The following RANBP9 variants were observed in gnomAD, a reference collection of about 807,000 sequenced individuals.
RANBP9 encodes the protein ran-binding protein 9.
A neutral mutation model predicts 84.3 loss-of-function variants in RANBP9; 15 were observed. That is an observed-to-expected ratio of 0.18 (90% CI 0.12 to 0.27). RANBP9 has a LOEUF of 0.27. RANBP9 is among the 10% of genes least tolerant of loss of function. The pLI is 1.00. For synonymous variants in RANBP9, 392 were observed against 349.6 expected (o/e 1.12, Z -1.35); for missense variants, 809 against 912.8 (o/e 0.89, Z 1.46).
chr6:13,622,546 A>C (rs1764480853), intron 13 of RANBP9, 54 bp from the exon 14 acceptor site: 1 of 1,489,212 alleles, frequency 6.7e-7, no homozygotes, highest in South Asian at 1.3e-5. Context: ...CATTTTAAAA[A>C]ACATTTCAAT....
At chr6:13,648,053 C>T (rs1301952007) in intron 5 of RANBP9, among the ~76,000 whole-genome samples, 1 of 151,880 alleles carries the variant, frequency 6.6e-6, no homozygotes, top group Non-Finnish European at 1.5e-5. Context: ...CCCTGGCAAC[C>T]ACTAATCTAC....
Position 13,621,536 on chromosome 6 carries a change from CACT to C in RANBP9, c.*823_*825del, listed in dbSNP as rs1199946311. On this transcript the variant is annotated 3_prime_UTR_variant, in exon 14 of 14. Transcript: ENST00000011619. ...ATTTTTAATGGCTGGTTAATTATATCACTACATTTTATTGCAATATAGTACTCA... is the reference window on the plus strand; with the variant it reads ...ATTTTTAATGGCTGGTTAATTATATCACATTTTATTGCAATATAGTACTCA... 6.6e-6 allele frequency: 1 copy of C among 152,540 alleles called. No homozygotes were observed. The highest frequency in any genetic ancestry group is 1.5e-5 in the Non-Finnish European group (1 of 68,020). The allele number at this position is 152,540 out of a possible 1,614,324, so 9.4% of individuals were successfully genotyped here.
chr6:13,641,074 A>G, intron 8 of RANBP9, 125 bp downstream of exon 8: 1 of 535,642 alleles, frequency 1.9e-6, no homozygotes, highest in South Asian at 3.9e-5. Flanking sequence ...TGACATTACA[A>G]AATTGTATAT....
chr6:13,662,996 G>C (rs1329231749), intron 2 of RANBP9, among the ~76,000 whole-genome samples: 3 of 152,096 alleles, frequency 2.0e-5, no homozygotes, highest in African/African-American at 2.4e-5. Context: ...CAAGGAAAAA[G>C]AGAATAGGAC....
intron 2 of RANBP9, among the ~76,000 whole-genome samples, chr6:13,677,701 T>TC (rs763936777): frequency 2.0e-5 from 3 of 152,210 alleles, no homozygotes; most frequent in Non-Finnish European, 4.4e-5. Flanking sequence ...CCCATTTTTT[T>TC]CTCATGTAAA....
At chr6:13,644,811 T>C (rs1000767946) in intron 5 of RANBP9, 82 bp from the exon 6 acceptor site, 17 of 1,135,424 alleles carry the variant, frequency 1.5e-5, no homozygotes, top group Admixed American at 1.2e-4. Flanking sequence ...TTTAAAAGAA[T>C]AGAACTATAA....
rs1460977843 is a variant in RANBP9, at chr6:13,666,463, A to G, written c.684-7631T>C. 2.0e-5 allele frequency among the ~76,000 whole-genome samples: 3 copies of G among 151,860 alleles called. No individual in the cohort carries two copies. In the East Asian group the frequency reaches 5.8e-4, roughly 29 times the overall value. ...AAGAACCCAATAAAAACAATTTTACACCAATTAAATTATTAAGGAATAGGC... is the reference window on the plus strand; with the variant it reads ...AAGAACCCAATAAAAACAATTTTACGCCAATTAAATTATTAAGGAATAGGC... On this transcript the variant is annotated intron_variant, in intron 2 of 13. Transcript: ENST00000011619.
chr6:13,642,412 TAA>T, intron 7 of RANBP9, 65 bp downstream of exon 7: 1 of 925,346 alleles, frequency 1.1e-6, no homozygotes. Flanking sequence ...ACAAAATTTC[TAA>T]AAATTAAAGT....
In RANBP9 at chr6:13,646,539, G is replaced by T. The variant is rs1232895264; in HGVS notation, c.928-1810C>A. On this transcript the variant is annotated intron_variant, in intron 5 of 13. Transcript: ENST00000011619. ...GAAAGACAATTCTGTTCATTAAGCA[G>T]TTTATAATGATGATATTCAGTATTG... Among the ~76,000 whole-genome samples the T allele has an allele frequency of 2.0e-5, 3 of 152,146 alleles. No homozygotes were observed. In the East Asian group the frequency reaches 5.8e-4, roughly 29 times the overall value.
intron 1 of RANBP9, among the ~76,000 whole-genome samples, chr6:13,697,855 C>G (rs1478722597): frequency 6.6e-6 from 1 of 152,188 alleles, no homozygotes; most frequent in African/African-American, 2.4e-5. Flanking sequence ...TTGGGGTGTT[C>G]TAGTTAAATA....
intron 2 of RANBP9, among the ~76,000 whole-genome samples, chr6:13,684,555 TA>T (rs1766122704): frequency 6.6e-6 from 1 of 152,206 alleles, no homozygotes; most frequent in Admixed American, 6.5e-5. Context: ...GGGTATATAG[TA>T]AAAAATTGTA....
Position 13,697,888 on chromosome 6 carries a change from G to T in RANBP9, c.572-992C>A, listed in dbSNP as rs533599622. ...ATATGCTCCACGCAATACAAACTTC[G>T]CATTAATCTTTCAGTCATACTATAA... On this transcript the variant is annotated intron_variant, in intron 1 of 13. Transcript: ENST00000011619. 3.3e-5 allele frequency among the ~76,000 whole-genome samples: 5 copies of T among 152,214 alleles called. No individual in the cohort carries two copies. In the South Asian group the frequency reaches 8.3e-4, roughly 25 times the overall value.
Position 13,710,877 on chromosome 6 carries a change from G to A in RANBP9, c.571+58C>T, listed in dbSNP as rs1758259445. ...GGGGGCGGGTCGAGAGCGGCGCAGC[G>A]GCGGCCGGCCACGTCGGGTCAGTGC... is the stretch of plus-strand genomic sequence containing the variant. On this transcript the variant is annotated intron_variant, in intron 1 of 13. Coordinates refer to ENST00000011619, the MANE Select transcript of RANBP9 (RefSeq NM_005493.3). The A allele has an allele frequency of 3.3e-6, 5 of 1,512,446 alleles. No homozygotes were observed. In the South Asian group the frequency reaches 6.0e-5, roughly 18 times the overall value. The allele number at this position is 1,512,446 out of a possible 1,614,324, so 93.7% of individuals were successfully genotyped here.
intron 1 of RANBP9, among the ~76,000 whole-genome samples, chr6:13,708,568 G>A (rs1168488382): frequency 1.3e-5 from 2 of 152,168 alleles, no homozygotes; most frequent in Non-Finnish European, 1.5e-5. Context: ...TTGAAATTCT[G>A]TAATACGTGA....
rs1764481959 is a variant in RANBP9, at chr6:13,622,595, C to T, written c.2060-103G>A. On this transcript the variant is annotated intron_variant, in intron 13 of 13. Coordinates refer to ENST00000011619, the MANE Select transcript of RANBP9 (RefSeq NM_005493.3). ...CAATGACTTTAAAAACTACCACTCCCATACCACTCTGAAATATCAGCAAAT... is the reference window on the plus strand; with the variant it reads ...CAATGACTTTAAAAACTACCACTCCTATACCACTCTGAAATATCAGCAAAT... 2.5e-6 allele frequency: 3 copies of T among 1,199,786 alleles called. No individual in the cohort carries two copies. In the East Asian group the frequency reaches 7.9e-5, roughly 32 times the overall value. 74.3% of individuals were successfully genotyped at this position (1,199,786 alleles called of 1,614,324 possible).
chr6:13,676,788 A>G (rs986255966), intron 2 of RANBP9, among the ~76,000 whole-genome samples: 3 of 152,268 alleles, frequency 2.0e-5, no homozygotes, highest in African/African-American at 7.2e-5. Context: ...ATAGATGCAG[A>G]AAACGCATCT....
intron 2 of RANBP9, among the ~76,000 whole-genome samples, chr6:13,689,278 T>A (rs1281784711): frequency 6.6e-6 from 1 of 151,724 alleles, no homozygotes; most frequent in Non-Finnish European, 1.5e-5. Flanking sequence ...TTTTCCTTTT[T>A]TTTTTTTTTG....
At chr6:13,680,612 T>A (rs922495545) in intron 2 of RANBP9, among the ~76,000 whole-genome samples, 1 of 151,836 alleles carries the variant, frequency 6.6e-6, no homozygotes, top group African/African-American at 2.4e-5. Flanking sequence ...TAAAGTTAGC[T>A]GAGCATAGTG....
intron 2 of RANBP9, among the ~76,000 whole-genome samples, chr6:13,687,446 C>A (rs1766216144): frequency 2.0e-5 from 3 of 151,404 alleles, no homozygotes; most frequent in Admixed American, 1.3e-4. Flanking sequence ...TATGATCACA[C>A]AACTGCACTC....
Sources: gnomAD v4.1 joint callset for allele counts (sites outside exome capture counted in the v4.1 genomes callset) on GRCh38, gnomAD v4.1.1 for gene constraint, MANE v1.5 for transcripts, NCBI Gene and HGNC (gene_info 2026-07-23, HGNC 2026-07-21) for gene names.